PRRC2B: variants seen among roughly 807,000 people sequenced by gnomAD.
PRRC2B encodes protein PRRC2B.
Under a neutral mutation model 242.3 loss-of-function variants are expected in PRRC2B, and 68 were observed. That is an observed-to-expected ratio of 0.28 (90% confidence interval 0.23 to 0.34). The LOEUF (loss-of-function observed/expected upper bound fraction) is 0.34. Ranked by LOEUF, PRRC2B falls within the 10% of genes least tolerant of loss-of-function variation. The probability of loss-of-function intolerance (pLI) is 1.00; values close to 1 mark genes in which losing one functional copy is unlikely to be tolerated. For missense variants in PRRC2B, 2,835 were observed against 2,954.8 expected (o/e 0.96, Z 0.94); for synonymous variants, 1,228 against 1,173.6 (o/e 1.05, Z -0.95).
chr9:131,429,990 AT>A, intron 1 of PRRC2B, 103 bp from the exon 2 acceptor site: 1 of 607,960 alleles, frequency 1.6e-6, no homozygotes, highest in South Asian at 2.1e-5. Context: ...GAGATCCATG[AT>A]TCGTGAAGGA....
rs763499308 is a variant in PRRC2B, at chr9:131,495,799, C to A, written c.6615C>A (p.Pro2205=). The change falls in exon 32 of 32, where the codon CCC becomes CCA. Residue 2205 remains proline (P), a synonymous_variant. Coordinates refer to ENST00000683519, the MANE Select transcript of PRRC2B (RefSeq NM_013318.4). The part of the protein sequence containing the change: ...SLGAVKLQEA[P]SAASQMKRTG... ...GAGCCGTGAAGCTGCAGGAGGCCCC[C>A]TCGGCTGCCTCCCAGATGAAGCGAA... is the stretch of plus-strand genomic sequence containing the variant. The A allele has an allele frequency of 6.2e-7, 1 of 1,613,064 alleles. No homozygotes were observed.
rs987528344 is a variant in PRRC2B, at chr9:131,446,110, T to C, written c.614-291T>C. 6.6e-6 allele frequency among the ~76,000 whole-genome samples: 1 copy of C among 151,284 alleles called. No homozygotes were observed. Among genetic ancestry groups the C allele is most frequent in the Non-Finnish European group, 1.5e-5 (1 of 67,868 alleles). On this transcript the variant is annotated intron_variant, in intron 6 of 31. Transcript: ENST00000683519. This position sits in a 1 kb window ranked among gnomAD's most constrained non-coding sequence, Gnocchi z 4.1. ...TCAGGGCCATCTTCATCTCTCTGGG[T>C]TGTGAGACTTGGGGAAGGGTGGTGA...
chr9:131,468,986 CA>C (rs1405121916), intron 13 of PRRC2B, among the ~76,000 whole-genome samples: 1 of 152,154 alleles, frequency 6.6e-6, no homozygotes, highest in Non-Finnish European at 1.5e-5. Context: ...CTAGCAGCGA[CA>C]ATTGCTCTAG....
intron 5 of PRRC2B, among the ~76,000 whole-genome samples, chr9:131,440,696 T>C (rs1322862326): frequency 6.6e-6 from 1 of 152,256 alleles, no homozygotes; most frequent in Admixed American, 6.5e-5. Flanking sequence ...ATTATGGTAC[T>C]TTAATGAAAT....
At chr9:131,490,848 GGCTTC>G (rs963999016) in intron 28 of PRRC2B, 13 of 313,710 alleles carry the variant, frequency 4.1e-5, no homozygotes, top group Admixed American at 2.4e-4. Context: ...TTTGGGACTT[GGCTTC>G]GCCATTACTT....
chr9:131,447,851 A>G (rs1838854045), intron 9 of PRRC2B, 47 bp downstream of exon 9: 2 of 1,576,740 alleles, frequency 1.3e-6, no homozygotes, highest in Admixed American at 1.8e-5. Flanking sequence ...ACCAAAGTCC[A>G]TATGTACTTA....
intron 1 of PRRC2B, among the ~76,000 whole-genome samples, chr9:131,416,644 G>T (rs907244016): frequency 8.0e-5 from 12 of 149,744 alleles, no homozygotes; most frequent in Admixed American, 8.0e-4. Flanking sequence ...GTTCTAGGAT[G>T]CCACATTAAA....
At chr9:131,474,346 T>C (rs1260150554) in intron 15 of PRRC2B, 108 bp from the exon 16 acceptor site, 2 of 948,796 alleles carry the variant, frequency 2.1e-6, no homozygotes, top group East Asian at 2.5e-5. Flanking sequence ...AAAAAGTGTT[T>C]TAGTTTTTGT....
intron 9 of PRRC2B, among the ~76,000 whole-genome samples, chr9:131,451,386 G>A (rs1054763801): frequency 2.0e-5 from 3 of 151,156 alleles, no homozygotes; most frequent in African/African-American, 7.3e-5. Context: ...GTGACAGAGC[G>A]AGACTCCATC....
chr9:131,457,666 C>G (rs1179622335), intron 10 of PRRC2B, among the ~76,000 whole-genome samples: 2 of 151,804 alleles, frequency 1.3e-5, no homozygotes, highest in African/African-American at 4.8e-5. Flanking sequence ...TTTTCCAGAC[C>G]ATCCATGGGT....
chr9:131,467,592 C>G lies in PRRC2B; in HGVS notation c.1750C>G (p.Pro584Ala), dbSNP rs775546364. 4.3e-6 allele frequency: 7 copies of G among 1,612,022 alleles called. No homozygotes were observed. The East Asian group carries it at 1.1e-4, about 26-fold the overall frequency. ...CCCAGAATTCCCTGCCCAAGAGACCCCCACCACATTCCCAGAAGAGGCACC... is the reference window on the plus strand; with the variant it reads ...CCCAGAATTCCCTGCCCAAGAGACCGCCACCACATTCCCAGAAGAGGCACC... The part of the protein sequence containing the change: ...GSPEFPAQET[P>A]TTFPEEAPTV... Residue 584 changes from proline to alanine, a missense_variant, in exon 13 of 32, where the codon CCC becomes GCC. Pro to Ala is a conservative substitution (Grantham distance 27, BLOSUM62 -1). Transcript: ENST00000683519.
intron 11 of PRRC2B, among the ~76,000 whole-genome samples, chr9:131,463,308 G>T (rs1943295834): frequency 6.6e-6 from 1 of 152,182 alleles, no homozygotes; most frequent in African/African-American, 2.4e-5. Context: ...CAGTAAATTT[G>T]TTGTATATTT....
chr9:131,475,375 C>A lies in PRRC2B; in HGVS notation c.3246C>A (p.Gly1082=). The A allele has an allele frequency of 6.3e-7, 1 of 1,586,660 alleles. No homozygotes were observed. Among genetic ancestry groups the A allele is most frequent in the Non-Finnish European group, 8.6e-7 (1 of 1,166,968 alleles). The change falls in exon 16 of 32, where the codon GGC becomes GGA. Residue 1082 remains glycine, a synonymous_variant. Coordinates refer to ENST00000683519, the MANE Select transcript of PRRC2B (RefSeq NM_013318.4). The part of the protein sequence containing the change: ...REFTFRGRPA[G]GNGSGLCGGG... Reference sequence around the variant, plus strand: ...TCACTTTTCGTGGTCGGCCTGCTGGCGGAAATGGGAGCGGCCTCTGTGGTG... The same window carrying A: ...TCACTTTTCGTGGTCGGCCTGCTGGAGGAAATGGGAGCGGCCTCTGTGGTG...
rs1016164094 is a variant in PRRC2B, at chr9:131,496,631, G to C, written c.*757G>C. 1 of 151,206 alleles carries C rather than the reference G, an allele frequency of 6.6e-6. No homozygotes were observed. The highest frequency in any genetic ancestry group is 1.5e-5 in the Non-Finnish European group (1 of 67,672). 9.4% of individuals were successfully genotyped at this position (151,206 alleles called of 1,614,324 possible). ...GAGCAGCAGGCAGGTTGGGGGAGGGGGGGGGTCATAGTTGGGTTCCAGCTC... is the reference window on the plus strand; with the variant it reads ...GAGCAGCAGGCAGGTTGGGGGAGGGCGGGGGTCATAGTTGGGTTCCAGCTC... On this transcript the variant is annotated 3_prime_UTR_variant, in exon 32 of 32. Transcript: ENST00000683519.
intron 13 of PRRC2B, among the ~76,000 whole-genome samples, chr9:131,470,084 G>C (rs958161221): frequency 2.0e-5 from 3 of 152,132 alleles, no homozygotes; most frequent in Admixed American, 1.3e-4. Context: ...CGCTTACCTA[G>C]GGGTCCCAGT....
At chr9:131,404,754 T>G (rs1837322150) in intron 1 of PRRC2B, among the ~76,000 whole-genome samples, 3 of 152,240 alleles carry the variant, frequency 2.0e-5, no homozygotes, top group African/African-American at 4.8e-5. Context: ...ATGTTATCTA[T>G]TTTAGCAACT....
intron 9 of PRRC2B, among the ~76,000 whole-genome samples, chr9:131,452,579 A>G (rs116877429): frequency 0.017 from 2,515 of 150,302 alleles, 46 homozygotes; most frequent in Non-Finnish European, 0.024. Context: ...AATTCCTGAT[A>G]ATTTGTATAT....
chr9:131,467,004 T>G (rs1943414890), intron 12 of PRRC2B, among the ~76,000 whole-genome samples: 1 of 152,108 alleles, frequency 6.6e-6, no homozygotes, highest in African/African-American at 2.4e-5. Context: ...GGTTTCACTG[T>G]GTTAGCCAGG....
chr9:131,390,877 C>T (rs56180615), upstream of PRRC2B, among the ~76,000 whole-genome samples: 1,025 of 151,456 alleles, frequency 6.8e-3, 17 homozygotes, highest in African/African-American at 0.023. Context: ...ACCTCCACCT[C>T]CCAGGTTCAA....
Sources: allele counts gnomAD v4.1 joint callset (sites outside exome capture counted in the v4.1 genomes callset), GRCh38; gene constraint gnomAD v4.1.1; non-coding constraint Gnocchi (gnomAD v3.1); transcripts MANE v1.5; gene names NCBI Gene and HGNC (gene_info 2026-07-23, HGNC 2026-07-21).